Variants in CREB5 observed in about 807,000 individuals in gnomAD.
CREB5 encodes cyclic AMP-responsive element-binding protein 5.
CREB5 carries 19 observed loss-of-function variants against 57.1 expected under a neutral mutation model. That is an observed-to-expected ratio of 0.33 (90% CI 0.23 to 0.49). CREB5 has a LOEUF of 0.49. CREB5 is among the 20% of genes least tolerant of loss of function. The pLI, the probability that CREB5 is intolerant of heterozygous loss-of-function variation, is 0.99. For synonymous variants in CREB5, 238 were observed against 238.3 expected (o/e 1.00, Z 0.01); for missense variants, 579 against 671.6 (o/e 0.86, Z 1.52).
intron 8 of CREB5, among the ~76,000 whole-genome samples, chr7:28,808,324 C>T (rs568368088): frequency 6.6e-6 from 1 of 152,166 alleles, no homozygotes; most frequent in Non-Finnish European, 1.5e-5. Flanking sequence ...GCTTTCCTGG[C>T]TTCATGGGCT....
At chr7:28,427,187 G>A (rs2128014176) in intron 1 of CREB5, among the ~76,000 whole-genome samples, 1 of 152,224 alleles carries the variant, frequency 6.6e-6, no homozygotes, top group East Asian at 1.9e-4. Context: ...ACATTCTCTT[G>A]CATTCTTTGT....
At chr7:28,770,955 G>A (rs1021106457) in intron 7 of CREB5, among the ~76,000 whole-genome samples, 4 of 152,200 alleles carry the variant, frequency 2.6e-5, no homozygotes, top group Non-Finnish European at 4.4e-5. Context: ...GTAACTAGGT[G>A]AGGTGTTAAT....
intron 5 of CREB5, 119 bp from the exon 6 acceptor site, chr7:28,718,634 C>A: frequency 7.4e-7 from 1 of 1,343,876 alleles, no homozygotes. Context: ...ATGTGACTCT[C>A]CCATCAGTGG....
intron 1 of CREB5, among the ~76,000 whole-genome samples, chr7:28,458,000 G>A (rs899800169): frequency 6.6e-6 from 1 of 152,134 alleles, no homozygotes; most frequent in African/African-American, 2.4e-5. Flanking sequence ...GCCTGGAAAG[G>A]GGACTTGGTG....
chr7:28,371,865 C>G (rs1786712248), intron 1 of CREB5, among the ~76,000 whole-genome samples: 1 of 152,076 alleles, frequency 6.6e-6, no homozygotes, highest in Non-Finnish European at 1.5e-5. Context: ...TGGTAGACAC[C>G]ACGCTCCCAA....
intron 1 of CREB5, among the ~76,000 whole-genome samples, chr7:28,355,511 G>GAA (rs1370584297): frequency 9.2e-5 from 14 of 152,192 alleles, no homozygotes; most frequent in African/African-American, 3.1e-4. Context: ...TATGTTAATA[G>GAA]AAGAGTGTCC....
chr7:28,435,712 C>T, intron 1 of CREB5: 4 of 961,788 alleles, frequency 4.2e-6, no homozygotes, highest in Non-Finnish European at 4.9e-6. Flanking sequence ...TTGTATAATA[C>T]TCGTGTGACA....
intron 4 of CREB5, among the ~76,000 whole-genome samples, chr7:28,544,698 G>A (rs1583604062): frequency 6.6e-6 from 1 of 152,166 alleles, no homozygotes; most frequent in South Asian, 2.1e-4. Flanking sequence ...CCTCTGCACA[G>A]CACTGAGCCT....
chr7:28,543,962 A>G (rs1213386144), intron 4 of CREB5, among the ~76,000 whole-genome samples: 2 of 149,348 alleles, frequency 1.3e-5, no homozygotes, highest in African/African-American at 5.0e-5. Context: ...TATGAGTGCC[A>G]TGAGCATTAA....
chr7:28,511,637 A>G (rs905292668), intron 4 of CREB5, among the ~76,000 whole-genome samples: 5 of 152,232 alleles, frequency 3.3e-5, no homozygotes, highest in African/African-American at 1.2e-4. Context: ...GGTACCCACC[A>G]CCATGCCCGG....
intron 1 of CREB5, among the ~76,000 whole-genome samples, chr7:28,417,148 A>G (rs1245040180): frequency 6.6e-6 from 1 of 152,144 alleles, no homozygotes; most frequent in African/African-American, 2.4e-5. Flanking sequence ...CTCACCCAGC[A>G]CTGTCCGGTA....
intron 8 of CREB5, among the ~76,000 whole-genome samples, chr7:28,807,505 T>G (rs937075623): frequency 6.6e-6 from 1 of 152,184 alleles, no homozygotes; most frequent in African/African-American, 2.4e-5. Context: ...CAGTTCAACC[T>G]CAACCCTGGG....
At chr7:28,554,472 T>A (rs1794782926) in intron 4 of CREB5, among the ~76,000 whole-genome samples, 1 of 152,266 alleles carries the variant, frequency 6.6e-6, no homozygotes, top group South Asian at 2.1e-4. Context: ...CCTGTTTCTG[T>A]TCCTGTTGGG....
chr7:28,599,690 A>G (rs1796833514), intron 5 of CREB5, among the ~76,000 whole-genome samples: 1 of 152,174 alleles, frequency 6.6e-6, no homozygotes, highest in Admixed American at 6.5e-5. Context: ...TGAATGAGTA[A>G]CTTTAGTCCT....
chr7:28,810,586 C>T (rs867853176), intron 9 of CREB5, among the ~76,000 whole-genome samples: 1 of 152,122 alleles, frequency 6.6e-6, no homozygotes, highest in Non-Finnish European at 1.5e-5. Flanking sequence ...GTCCCAGCTA[C>T]TCAGGAGGCT....
At chr7:28,495,812 T>G (rs1411883237) in intron 3 of CREB5, among the ~76,000 whole-genome samples, 1 of 152,194 alleles carries the variant, frequency 6.6e-6, no homozygotes, top group Non-Finnish European at 1.5e-5. Context: ...TCAGTGAAGG[T>G]GTCCTTAGGA....
intron 1 of CREB5, among the ~76,000 whole-genome samples, chr7:28,460,132 T>G (rs1037887268): frequency 1.6e-4 from 25 of 152,186 alleles, no homozygotes; most frequent in African/African-American, 5.8e-4. Context: ...CTTCCCAGAA[T>G]TGCTTTGAGG....
chr7:28,497,984 G>C (rs948037456), intron 3 of CREB5, among the ~76,000 whole-genome samples: 8 of 152,088 alleles, frequency 5.3e-5, no homozygotes, highest in Non-Finnish European at 1.0e-4. Flanking sequence ...TTTGTATTTT[G>C]TCATACTGTC....
In CREB5 at chr7:28,646,443, T is replaced by G. The variant is rs181072819; in HGVS notation, c.465-72310T>G. On this transcript the variant is annotated intron_variant, in intron 5 of 10. Transcript: ENST00000357727. ...GGTGCTGCCATCTCCTTAAATATTT[T>G]GAAGGAACAATTTGAGGTGATACCT... is the stretch of plus-strand genomic sequence containing the variant. 2.6e-5 allele frequency among the ~76,000 whole-genome samples: 4 copies of G among 152,318 alleles called. No homozygotes were observed. The East Asian group carries it at 7.7e-4, about 29-fold the overall frequency.
Sources: gnomAD v4.1 joint callset for allele counts (sites outside exome capture counted in the v4.1 genomes callset) on GRCh38, gnomAD v4.1.1 for gene constraint, MANE v1.5 for transcripts, NCBI Gene and HGNC (gene_info 2026-07-23, HGNC 2026-07-21) for gene names.